The following LRRC34 variants were observed in gnomAD, a reference collection of about 807,000 sequenced individuals.
LRRC34 encodes leucine rich repeat containing 34.
Under a neutral mutation model 48.5 loss-of-function variants are expected in LRRC34, and 44 were observed. That is an observed-to-expected ratio of 0.91 (90% confidence interval 0.71 to 1.17). The LOEUF (loss-of-function observed/expected upper bound fraction) is 1.17, where lower values mean the gene tolerates loss of function less well. Ranked by LOEUF, LRRC34 falls within the 50% of genes most tolerant of loss-of-function variation. LRRC34 has a pLI of 0.00. For missense variants in LRRC34, 502 were observed against 563.0 expected, an observed-to-expected ratio of 0.89 and a Z score of 1.10; for synonymous variants, 192 against 197.6, an observed-to-expected ratio of 0.97 and a Z score of 0.24.
intron 4 of LRRC34, 75 bp from the exon 5 acceptor site, chr3:169,807,006 TA>T: frequency 1.3e-6 from 1 of 777,626 alleles, no homozygotes; most frequent in Non-Finnish European, 2.2e-6. Context: ...TATATACATA[TA>T]CACATACAGT....
chr3:169,797,064 T>C, intron 7 of LRRC34, 165 bp from the exon 8 acceptor site: 1 of 441,266 alleles, frequency 2.3e-6, no homozygotes, highest in Non-Finnish European at 3.8e-6. Flanking sequence ...AAATTATCTT[T>C]GCCACAAATG....
chr3:169,795,331 A>G (rs1488903602), intron 10 of LRRC34, 154 bp downstream of exon 10: 2 of 663,078 alleles, frequency 3.0e-6, no homozygotes, highest in Non-Finnish European at 4.5e-6. Context: ...TGAACCACCA[A>G]ACTCTCTAGT....
chr3:169,795,428 T>C, intron 10 of LRRC34, 57 bp downstream of exon 10: 1 of 1,523,044 alleles, frequency 6.6e-7, no homozygotes, highest in Non-Finnish European at 8.9e-7. Context: ...TAATATCTGA[T>C]GTTACAGAGA....
At chr3:169,798,184 C>G (rs1280795904) in intron 7 of LRRC34, among the ~76,000 whole-genome samples, 1 of 152,166 alleles carries the variant, frequency 6.6e-6, no homozygotes, top group African/African-American at 2.4e-5. Context: ...AGGACAAACT[C>G]AGTACGTTTT....
intron 7 of LRRC34, among the ~76,000 whole-genome samples, chr3:169,797,308 A>G (rs1028200605): frequency 4.0e-5 from 6 of 151,736 alleles, no homozygotes; most frequent in African/African-American, 1.5e-4. Flanking sequence ...CTTGATCTCT[A>G]CTCTTGATGG....
At position 169,812,600 on chromosome 3, in the gene LRRC34, G is replaced by A. The variant is rs1265043926; in HGVS notation, c.-52C>T. 1.3e-5 allele frequency: 19 copies of A among 1,419,396 alleles called. No homozygotes were observed. In the East Asian group the frequency reaches 5.5e-4, roughly 41 times the overall value. 87.9% of individuals were successfully genotyped at this position (1,419,396 alleles called of 1,614,324 possible). On this transcript the variant is annotated 5_prime_UTR_variant, in exon 1 of 11. Coordinates refer to ENST00000446859, the MANE Select transcript of LRRC34 (RefSeq NM_001172779.2). The surrounding 1 kb of genome is among the most constrained non-coding windows in gnomAD (Gnocchi z 4.3). ...GCCTGCAGCTGTGAGGCGGCTACAC[G>A]AGCCTCGGCGCCAGCCTGCTTCGAG...
Position 169,793,479 on chromosome 3 carries a change from A to T in LRRC34, c.*156T>A. On this transcript the variant is annotated 3_prime_UTR_variant, in exon 11 of 11. Coordinates refer to ENST00000446859, the MANE Select transcript of LRRC34 (RefSeq NM_001172779.2). ...AAAAAATTACCCTACTCAGTTTTTC[A>T]CAATAGACAGTTATACAAAGTTTAA... The T allele has an allele frequency of 1.9e-6, 1 of 535,110 alleles. No homozygotes were observed. Among genetic ancestry groups the T allele is most frequent in the Non-Finnish European group, 3.1e-6 (1 of 320,454 alleles). 33.1% of individuals were successfully genotyped at this position (535,110 alleles called of 1,614,324 possible). A position where few individuals can be genotyped will look rare whatever the true frequency, so the allele number is the denominator to read the frequency against.
intron 4 of LRRC34, 70 bp downstream of exon 4, chr3:169,807,356 A>T (rs983961089): frequency 2.9e-6 from 4 of 1,381,670 alleles, no homozygotes; most frequent in Non-Finnish European, 2.1e-6. Context: ...CTAGTGTTTT[A>T]TGTGTGTGTC....
At chr3:169,810,162 A>G (rs1779512079) in intron 1 of LRRC34, among the ~76,000 whole-genome samples, 1 of 151,800 alleles carries the variant, frequency 6.6e-6, no homozygotes, top group Non-Finnish European at 1.5e-5. Context: ...GCTGGTCTCA[A>G]ACTCCTGACC....
At chr3:169,795,960 G>A (rs960214492) in intron 9 of LRRC34, 6 of 1,191,318 alleles carry the variant, frequency 5.0e-6, no homozygotes, top group Middle Eastern at 3.3e-4. Flanking sequence ...TTTTCTATTA[G>A]AATTCAGGAT....
At chr3:169,807,537 T>TA (rs1409418860) in intron 3 of LRRC34, 47 bp from the exon 4 acceptor site, 2 of 1,612,128 alleles carry the variant, frequency 1.2e-6, no homozygotes, top group Non-Finnish European at 1.7e-6. Flanking sequence ...AAAGAATACT[T>TA]AAAATCAGAT....
rs750702166 is a variant in LRRC34, at chr3:169,796,827, G to T, written c.826C>A (p.His276Asn). The T allele has an allele frequency of 1.1e-5, 18 of 1,611,592 alleles. No homozygotes were observed. The East Asian group carries it at 4.0e-4, about 36-fold the overall frequency. Residue 276 changes from histidine to asparagine, a missense_variant, in exon 8 of 11, where the codon CAT becomes AAT. By Grantham distance (68) the His-to-Asn change is moderately conservative. Coordinates refer to ENST00000446859, the MANE Select transcript of LRRC34 (RefSeq NM_001172779.2). ...HCLVALHMCKHDIKNSGIQQL... is the reference protein window; with the variant it reads ...HCLVALHMCKNDIKNSGIQQL... ...TGTATACCACTGTTTTTTATATCAT[G>T]CTTACACATGTGTAGTGCAACAAGA... is the stretch of plus-strand genomic sequence containing the variant.
chr3:169,807,848 G>C, intron 2 of LRRC34, 139 bp from the exon 3 acceptor site: 1 of 1,010,252 alleles, frequency 9.9e-7, no homozygotes, highest in Non-Finnish European at 1.4e-6. Context: ...ATAATAAGTA[G>C]ACTTATACAG....
intron 6 of LRRC34, among the ~76,000 whole-genome samples, chr3:169,803,128 A>G (rs1335011240): frequency 1.3e-5 from 2 of 152,238 alleles, no homozygotes; most frequent in African/African-American, 4.8e-5. Flanking sequence ...GAGAAAGTGA[A>G]GCCTGGAATT....
Position 169,808,630 on chromosome 3 carries a change from C to A in LRRC34, c.255G>T (p.Lys85Asn), listed in dbSNP as rs1347380245. 5.5e-6 allele frequency: 8 copies of A among 1,448,354 alleles called. No homozygotes were observed. The highest frequency in any genetic ancestry group is 3.8e-5 in the Admixed American group (2 of 52,870). 89.7% of individuals were successfully genotyped at this position (1,448,354 alleles called of 1,614,324 possible). Residue 85 changes from lysine to asparagine, a missense_variant and splice_region_variant, in exon 2 of 11, where the codon AAG (lysine) becomes AAT (asparagine). Coordinates refer to ENST00000446859, the MANE Select transcript of LRRC34 (RefSeq NM_001172779.2). ...AATCAAGTATTTGTCTTTCTTACCC[C>A]TTTTTAATTTCTTCATCCACTTCTT... ...ILQEVDEEIK[K>N]GLAAGITLNI...
chr3:169,800,437 T>C (rs1174209843), intron 7 of LRRC34, among the ~76,000 whole-genome samples: 1 of 152,230 alleles, frequency 6.6e-6, no homozygotes, highest in Non-Finnish European at 1.5e-5. Context: ...ATGACATGTT[T>C]GCTGCTTAAA....
chr3:169,812,780 G>A lies in LRRC34; in HGVS notation c.-232C>T, dbSNP rs1779649960. On this transcript the variant is annotated 5_prime_UTR_variant, in exon 1 of 11. Transcript: ENST00000446859. The surrounding 1 kb of genome is among the most constrained non-coding windows in gnomAD (Gnocchi z 4.3). The stretch of plus-strand genomic sequence containing the variant: ...CAGGGAGGAGTTCCCGAGGTTTGAG[G>A]GGCTCCGCTGCTGAGCTAGGGCTGG... The A allele has an allele frequency of 1.7e-5, 9 of 531,314 alleles. No individual in the cohort carries two copies. Among genetic ancestry groups the A allele is most frequent in the Non-Finnish European group, 2.5e-5 (8 of 314,072 alleles). 32.9% of individuals were successfully genotyped at this position (531,314 alleles called of 1,614,324 possible).
At chr3:169,797,023 A>C (rs1779016279) in intron 7 of LRRC34, 124 bp from the exon 8 acceptor site, 1 of 678,184 alleles carries the variant, frequency 1.5e-6, no homozygotes, top group African/African-American at 1.9e-5. Context: ...CTGTTAGTCC[A>C]CAATTTGCAT....
intron 7 of LRRC34, 111 bp downstream of exon 7, chr3:169,800,548 T>G: frequency 1.8e-6 from 1 of 542,160 alleles, no homozygotes; most frequent in East Asian, 3.0e-5. Flanking sequence ...CAAGATATAG[T>G]AAGTACATCT....
Sources: gnomAD v4.1 joint callset for allele counts (sites outside exome capture counted in the v4.1 genomes callset) on GRCh38, gnomAD v4.1.1 for gene constraint, Gnocchi (gnomAD v3.1) non-coding constraint, MANE v1.5 for transcripts, NCBI Gene and HGNC (gene_info 2026-07-23, HGNC 2026-07-21) for gene names.